RFX2: variants seen among roughly 807,000 people sequenced by gnomAD.
The protein encoded by RFX2 is regulatory factor X2.
In RFX2, 20 loss-of-function variants were observed where a neutral mutation model predicts 87.8. The observed-to-expected ratio is 0.23, with a 90% CI of 0.16 to 0.33. RFX2 has a LOEUF of 0.33. Among genes scored for constraint, RFX2 ranks in the 10% least tolerant of loss-of-function variants. RFX2 has a pLI of 1.00. For missense variants in RFX2, 767 were observed against 1,012.3 expected, an observed-to-expected ratio of 0.76 and a Z score of 3.29; for synonymous variants, 397 against 431.3, an observed-to-expected ratio of 0.92 and a Z score of 0.98.
At chr19:6,033,377 T>C (rs908360581) in intron 5 of RFX2, among the ~76,000 whole-genome samples, 15 of 152,174 alleles carry the variant, frequency 9.9e-5, no homozygotes, top group South Asian at 2.1e-4. Flanking sequence ...ATTAGATCAA[T>C]GATCAATTTG....
At chr19:6,081,670 G>A (rs2087787096) in intron 1 of RFX2, among the ~76,000 whole-genome samples, 1 of 152,206 alleles carries the variant, frequency 6.6e-6, no homozygotes, top group African/African-American at 2.4e-5. Flanking sequence ...GGTAGATGGA[G>A]GGCTGGGCGC....
intron 5 of RFX2, among the ~76,000 whole-genome samples, chr19:6,033,691 A>AT (rs1013084718): frequency 4.0e-5 from 6 of 150,958 alleles, no homozygotes; most frequent in African/African-American, 1.5e-4. Flanking sequence ...GCCAGAACCC[A>AT]TGGAACGCAT....
chr19:6,038,210 C>T (rs1033367577), intron 5 of RFX2, among the ~76,000 whole-genome samples: 1 of 151,382 alleles, frequency 6.6e-6, no homozygotes, highest in Non-Finnish European at 1.5e-5. Flanking sequence ...ACCTGTAATT[C>T]CAGCTACTCG....
rs554419181 is a variant in RFX2, at chr19:6,016,634, G to A, written c.598-363C>T. Among the ~76,000 whole-genome samples, 157 of 152,184 alleles carry A rather than the reference G, an allele frequency of 1.0e-3. 1 individual carries two copies. Among genetic ancestry groups the A allele is most frequent in the African/African-American group, 3.1e-3 (130 of 41,520 alleles). Reference sequence around the variant, plus strand: ...TCAAACTACTGACCTCAGGTGATCCGCCTGCCTCAGCCTCCCAAAGTGCTG... The same window carrying A: ...TCAAACTACTGACCTCAGGTGATCCACCTGCCTCAGCCTCCCAAAGTGCTG... On this transcript the variant is annotated intron_variant, in intron 6 of 17. Coordinates refer to ENST00000303657, the MANE Select transcript of RFX2 (RefSeq NM_000635.4). The surrounding 1 kb of genome is among the most constrained non-coding windows in gnomAD (Gnocchi z 5.4).
In RFX2 at chr19:6,085,856, G is replaced by T. The variant is rs546740424; in HGVS notation, c.-9+24537C>A. Among the ~76,000 whole-genome samples the T allele has an allele frequency of 6.0e-4, 92 of 152,136 alleles. 1 individual carries two copies. Among genetic ancestry groups the T allele is most frequent in the Admixed American group, 6.0e-3 (92 of 15,292 alleles). On this transcript the variant is annotated intron_variant, in intron 1 of 17. Transcript: ENST00000303657. Reference sequence around the variant, plus strand: ...CCTGTAATCCCAGCACTTTGGGAGGGTGAGGTGGGAGGATTGCCTGAGGCC... The same window carrying T: ...CCTGTAATCCCAGCACTTTGGGAGGTTGAGGTGGGAGGATTGCCTGAGGCC...
chr19:6,084,888 T>C (rs1174335632), intron 1 of RFX2, among the ~76,000 whole-genome samples: 1 of 152,136 alleles, frequency 6.6e-6, no homozygotes, highest in Non-Finnish European at 1.5e-5. Context: ...CCACCCACCT[T>C]GGCCTCCCAG....
At chr19:6,093,545 A>C (rs2087976013) in intron 1 of RFX2, among the ~76,000 whole-genome samples, 1 of 152,114 alleles carries the variant, frequency 6.6e-6, no homozygotes, top group South Asian at 2.1e-4. Flanking sequence ...AAAAAAATAA[A>C]ATAAAATAGA....
chr19:6,007,767 G>T lies in RFX2; in HGVS notation c.1170C>A (p.His390Gln). ...TVDVVMNLQF[H>Q]YIEKLWLSFW... ...AGGAGAGCCACAGCTTCTCGATGTA[G>T]TGGAACTGGAGGTTCATCACCACAT... is the stretch of plus-strand genomic sequence containing the variant. Residue 390 changes from histidine to glutamine, a missense_variant, in exon 11 of 18, where the codon CAC becomes CAA. Coordinates refer to ENST00000303657, the MANE Select transcript of RFX2 (RefSeq NM_000635.4). The surrounding 1 kb of genome is among the most constrained non-coding windows in gnomAD (Gnocchi z 8.2). 1 of 1,555,076 alleles carries T rather than the reference G, an allele frequency of 6.4e-7. No individual in the cohort carries two copies. The highest frequency in any genetic ancestry group is 2.4e-5 in the East Asian group (1 of 41,394).
Position 6,013,191 on chromosome 19 carries a change from C to CTTT in RFX2, c.780-89_780-87dup. ...TTGGGATTCTTTTTCTTTCTTTCTT[C>CTTT]TTTTTTTTTTTTGAGACAGAATCTC... On this transcript the variant is annotated intron_variant, in intron 7 of 17. Coordinates refer to ENST00000303657, the MANE Select transcript of RFX2 (RefSeq NM_000635.4). This position sits in a 1 kb window ranked among gnomAD's most constrained non-coding sequence, Gnocchi z 4.1. The CTTT allele has an allele frequency of 1.8e-5, 19 of 1,075,580 alleles. No individual in the cohort carries two copies. Among genetic ancestry groups the CTTT allele is most frequent in the South Asian group, 4.1e-5 (2 of 48,606 alleles). The allele number at this position is 1,075,580 out of a possible 1,614,324, so 66.6% of individuals were successfully genotyped here. A position where few individuals can be genotyped will look rare whatever the true frequency, so the allele number is the denominator to read the frequency against.
chr19:6,023,914 G>A lies in RFX2; in HGVS notation c.597+2249C>T, dbSNP rs1243883387. On this transcript the variant is annotated intron_variant, in intron 6 of 17. Transcript: ENST00000303657. The surrounding 1 kb of genome is among the most constrained non-coding windows in gnomAD (Gnocchi z 4.9). ...CCTGTCTCAGCCTCCAGAGTAGCTG[G>A]GACTACAGGCATGTGCCACCACGCC... Among the ~76,000 whole-genome samples, 1 of 152,054 alleles carries A rather than the reference G, an allele frequency of 6.6e-6. No individual in the cohort carries two copies. The highest frequency in any genetic ancestry group is 6.6e-5 in the Admixed American group (1 of 15,248).
chr19:6,070,055 G>GATAGAATCGGATGTGA (rs2087575082), intron 1 of RFX2, among the ~76,000 whole-genome samples: 1 of 100,268 alleles, frequency 1.0e-5, no homozygotes, highest in Non-Finnish European at 2.2e-5. Context: ...GATGGGATGG[G>GATAGAATCGGATGTGA]ATGGGATGGG....
chr19:6,044,290 G>A lies in RFX2; in HGVS notation c.91-8C>T. 6.6e-7 allele frequency: 1 copy of A among 1,520,698 alleles called. No homozygotes were observed. 94.2% of individuals were successfully genotyped at this position (1,520,698 alleles called of 1,614,324 possible). ...TGCCTGGACCAACACCCTCTAAAAG[G>A]GAAGGGAGAGAAGGCCAGTTAGACT... On this transcript the variant is annotated splice_region_variant and splice_polypyrimidine_tract_variant and intron_variant, in intron 2 of 17. Transcript: ENST00000303657. The surrounding 1 kb of genome is among the most constrained non-coding windows in gnomAD (Gnocchi z 5.3).
At position 5,997,526 on chromosome 19, in the gene RFX2, G is replaced by T. The variant is rs934851520; in HGVS notation, c.1860-313C>A. Among the ~76,000 whole-genome samples, 3 of 152,244 alleles carry T rather than the reference G, an allele frequency of 2.0e-5. No homozygotes were observed. The highest frequency in any genetic ancestry group is 4.4e-5 in the Non-Finnish European group (3 of 68,038). On this transcript the variant is annotated intron_variant, in intron 15 of 17. Coordinates refer to ENST00000303657, the MANE Select transcript of RFX2 (RefSeq NM_000635.4). This position sits in a 1 kb window ranked among gnomAD's most constrained non-coding sequence, Gnocchi z 4.2. ...AACTGTGGCTGGTGCTAGCGCAGGC[G>T]CTAGATGGGATCTTAGCTGGTGAGT...
chr19:6,090,369 T>C lies in RFX2; in HGVS notation c.-9+20024A>G, dbSNP rs530024111. Among the ~76,000 whole-genome samples, 24 of 96,434 alleles carry C rather than the reference T, an allele frequency of 2.5e-4. No individual in the cohort carries two copies. In the South Asian group the frequency reaches 6.7e-3, roughly 27 times the overall value. 63.3% of individuals were successfully genotyped at this position (96,434 alleles called of 152,430 possible). A position where few individuals can be genotyped will look rare whatever the true frequency, so the allele number is the denominator to read the frequency against. ...CTGGGTGACATAGTGAGACTCTGTC[T>C]CAAAAAAAAAAAAAAAAAAGAATAC... On this transcript the variant is annotated intron_variant, in intron 1 of 17. Coordinates refer to ENST00000303657, the MANE Select transcript of RFX2 (RefSeq NM_000635.4).
intron 1 of RFX2, among the ~76,000 whole-genome samples, chr19:6,104,179 C>G (rs2088172713): frequency 6.6e-6 from 1 of 152,102 alleles, no homozygotes; most frequent in South Asian, 2.1e-4. Context: ...TTCCTCTTTC[C>G]CCTGCCCCAT....
chr19:6,062,020 G>T (rs535358802), intron 1 of RFX2, among the ~76,000 whole-genome samples: 1 of 152,232 alleles, frequency 6.6e-6, no homozygotes, highest in South Asian at 2.1e-4. Context: ...CTGGGGGCCG[G>T]GGAAGGTGGC....
chr19:6,004,135 A>C lies in RFX2; in HGVS notation c.1500+66T>G, dbSNP rs908841491. On this transcript the variant is annotated intron_variant, in intron 13 of 17. Coordinates refer to ENST00000303657, the MANE Select transcript of RFX2 (RefSeq NM_000635.4). This position sits in a 1 kb window ranked among gnomAD's most constrained non-coding sequence, Gnocchi z 4.8. ...CGCTCTCTGGGACACAGTGGTCCTC[A>C]TGCTGTCCTGGACTGGAGCCCCTCC... 7.5e-6 allele frequency: 9 copies of C among 1,199,532 alleles called. No homozygotes were observed. The highest frequency in any genetic ancestry group is 1.1e-5 in the Non-Finnish European group (9 of 802,894). 74.3% of individuals were successfully genotyped at this position (1,199,532 alleles called of 1,614,324 possible). A position where few individuals can be genotyped will look rare whatever the true frequency, so the allele number is the denominator to read the frequency against.
Position 6,103,685 on chromosome 19 carries a change from T to G in RFX2, c.-9+6708A>C, listed in dbSNP as rs375181697. ...GATGTAGGACTCCAACAACTTTTCG[T>G]GCTGTTTTTGTTCTTACGAAGCACT... On this transcript the variant is annotated intron_variant, in intron 1 of 17. Transcript: ENST00000303657. 1.9e-3 allele frequency among the ~76,000 whole-genome samples: 294 copies of G among 152,334 alleles called. 1 individual carries two copies. The highest frequency in any genetic ancestry group is 6.7e-3 in the African/African-American group (279 of 41,570).
intron 3 of RFX2, among the ~76,000 whole-genome samples, chr19:6,043,056 C>T (rs1169978568): frequency 6.6e-6 from 1 of 152,202 alleles, no homozygotes; most frequent in Admixed American, 6.5e-5. Context: ...TCCAACGCAC[C>T]ACCCCCAGAA....
Sources: allele counts gnomAD v4.1 joint callset (sites outside exome capture counted in the v4.1 genomes callset), GRCh38; gene constraint gnomAD v4.1.1; non-coding constraint Gnocchi (gnomAD v3.1); transcripts MANE v1.5; gene names NCBI Gene and HGNC (gene_info 2026-07-23, HGNC 2026-07-21).